Variants in JMJD1C observed in about 807,000 individuals in gnomAD.
The protein encoded by JMJD1C is jumonji domain-containing protein 1C.
Under a neutral mutation model 245.3 loss-of-function variants are expected in JMJD1C, and 31 were observed. That is an observed-to-expected ratio of 0.13 (90% CI 0.09 to 0.17). The LOEUF (loss-of-function observed/expected upper bound fraction) is 0.17. Among genes scored for constraint, JMJD1C ranks in the 10% least tolerant of loss-of-function variants. The pLI is 1.00. For synonymous variants in JMJD1C, 1,057 were observed against 1,017.4 expected (o/e 1.04, Z -0.74); for missense variants, 2,691 against 3,000.2 (o/e 0.90, Z 2.41).
intron 2 of JMJD1C, among the ~76,000 whole-genome samples, chr10:63,309,208 A>G (rs908075147): frequency 3.3e-5 from 5 of 152,132 alleles, no homozygotes; most frequent in Non-Finnish European, 5.9e-5. Flanking sequence ...TAAGGAATAA[A>G]GTCGCTGGGC....
intron 1 of JMJD1C, among the ~76,000 whole-genome samples, chr10:63,464,712 G>C (rs1953067187): frequency 6.8e-6 from 1 of 147,930 alleles, no homozygotes; most frequent in Admixed American, 6.7e-5. Flanking sequence ...AAAAAAAAAA[G>C]ATAATCAATT....
chr10:63,213,649 G>C lies in JMJD1C; in HGVS notation c.2518C>G (p.Gln840Glu). Reference protein sequence around the residue: ...HQQQQQLLQHQSPHLLGQAHP... With the variant: ...HQQQQQLLQHESPHLLGQAHP... ...GCTTGTCCAAGAAGATGAGGTGACTGGTGCTGTAACAACTGTTGTTGTTGC... is the reference window on the plus strand; with the variant it reads ...GCTTGTCCAAGAAGATGAGGTGACTCGTGCTGTAACAACTGTTGTTGTTGC... The change falls in exon 8 of 26, where the codon CAG (glutamine) becomes GAG (glutamate). Residue 840 changes from glutamine (Q) to glutamate (E), a missense_variant. Physicochemically the swap from Gln to Glu is conservative, Grantham distance 29. This residue lies in a region of JMJD1C where 1,562 missense variants were observed against 1,490.7 expected (regional missense o/e 1.05). Transcript: ENST00000399262. 6.2e-7 allele frequency: 1 copy of C among 1,614,192 alleles called. No homozygotes were observed. The highest frequency in any genetic ancestry group is 1.1e-5 in the South Asian group (1 of 91,092).
chr10:63,424,408 A>G (rs1267786804), intron 1 of JMJD1C, among the ~76,000 whole-genome samples: 1 of 152,056 alleles, frequency 6.6e-6, no homozygotes, highest in Non-Finnish European at 1.5e-5. Context: ...TTCTTCATAT[A>G]AAACTATTGT....
At chr10:63,180,970 GT>G (rs1382501102) in intron 22 of JMJD1C, among the ~76,000 whole-genome samples, 2 of 151,852 alleles carry the variant, frequency 1.3e-5, no homozygotes, top group Non-Finnish European at 2.9e-5. Context: ...GGGTTTCACC[GT>G]TTTAGCTGGG....
chr10:63,377,591 C>G (rs1018099739), intron 2 of JMJD1C, among the ~76,000 whole-genome samples: 1 of 151,944 alleles, frequency 6.6e-6, no homozygotes, highest in African/African-American at 2.4e-5. Context: ...GAAAATTAGC[C>G]GGGCATGATG....
At chr10:63,381,258 C>A (rs1400541562) in intron 1 of JMJD1C, among the ~76,000 whole-genome samples, 1 of 152,176 alleles carries the variant, frequency 6.6e-6, no homozygotes, top group African/African-American at 2.4e-5. Context: ...GTAATGCCAG[C>A]ACTTTGGGAG....
intron 2 of JMJD1C, among the ~76,000 whole-genome samples, chr10:63,327,521 G>A (rs1941657400): frequency 6.6e-6 from 1 of 152,160 alleles, no homozygotes; most frequent in Admixed American, 6.5e-5. Context: ...AACTAAGGAA[G>A]AAGCTCACAA....
intron 2 of JMJD1C, among the ~76,000 whole-genome samples, chr10:63,265,768 G>A (rs999021666): frequency 2.6e-5 from 4 of 152,114 alleles, no homozygotes; most frequent in African/African-American, 9.7e-5. Flanking sequence ...TATATCACAT[G>A]GAGAAATCTT....
chr10:63,266,176 AT>A (rs1160153511), intron 2 of JMJD1C, among the ~76,000 whole-genome samples: 1 of 152,032 alleles, frequency 6.6e-6, no homozygotes, highest in African/African-American at 2.4e-5. Context: ...ATTCTCACTT[AT>A]TTTCGATATT....
chr10:63,487,343 G>A (rs1338888809), intron 1 of JMJD1C, among the ~76,000 whole-genome samples: 1 of 152,226 alleles, frequency 6.6e-6, no homozygotes, highest in Non-Finnish European at 1.5e-5. Flanking sequence ...CTCAACACAG[G>A]AGGGCTGGGG....
Position 63,269,208 on chromosome 10 carries a change from C to A in JMJD1C, c.334-4444G>T, listed in dbSNP as rs140584517. 1.1e-4 allele frequency: 112 copies of A among 985,414 alleles called. No individual in the cohort carries two copies. In the African/African-American group the frequency reaches 1.9e-3, roughly 16 times the overall value. 61.0% of individuals were successfully genotyped at this position (985,414 alleles called of 1,614,324 possible). A position where few individuals can be genotyped will look rare whatever the true frequency, so the allele number is the denominator to read the frequency against. On this transcript the variant is annotated intron_variant, in intron 2 of 25. Coordinates refer to ENST00000399262, the MANE Select transcript of JMJD1C (RefSeq NM_032776.3). Reference sequence around the variant, plus strand: ...GCAGTAGCTTCCAACAGTGCAGACACCCAAATGAGAACGAGTACTTGGCTT... The same window carrying A: ...GCAGTAGCTTCCAACAGTGCAGACAACCAAATGAGAACGAGTACTTGGCTT...
rs749533964 is a variant in JMJD1C at position 63,191,130 on chromosome 10, ATTTTGTTTTG to A, written c.6077-32_6077-23del. The A allele has an allele frequency of 3.4e-5, 54 of 1,589,188 alleles. No homozygotes were observed. The Middle Eastern group carries it at 3.5e-3, about 103-fold the overall frequency. On this transcript the variant is annotated intron_variant, in intron 16 of 25. Transcript: ENST00000399262. ...TTTTCTGAAATAGAAAATTTCACAG[ATTTTGTTTTG>A]TTTTGTTTTGAGACGGAGTCTCATT...
At chr10:63,257,013 T>A (rs1854034378) in intron 3 of JMJD1C, among the ~76,000 whole-genome samples, 1 of 151,628 alleles carries the variant, frequency 6.6e-6, no homozygotes, top group African/African-American at 2.4e-5. Flanking sequence ...GGTGGGAGGA[T>A]TACTTGAGGT....
intron 1 of JMJD1C, among the ~76,000 whole-genome samples, chr10:63,386,281 A>G (rs967162875): frequency 6.6e-6 from 1 of 151,900 alleles, no homozygotes; most frequent in African/African-American, 2.4e-5. Context: ...GCCAGGGTCA[A>G]CACCCTAGCA....
intron 1 of JMJD1C, among the ~76,000 whole-genome samples, chr10:63,453,632 C>T (rs1039024492): frequency 6.6e-6 from 1 of 152,176 alleles, no homozygotes; most frequent in Non-Finnish European, 1.5e-5. Flanking sequence ...TTTTACTGAT[C>T]CTTTGCGTCT....
intron 3 of JMJD1C, among the ~76,000 whole-genome samples, chr10:63,251,773 G>A (rs893112392): frequency 6.6e-6 from 1 of 152,172 alleles, no homozygotes; most frequent in Non-Finnish European, 1.5e-5. Flanking sequence ...CTTCCACTTG[G>A]GTGGCTGAGG....
At position 63,397,309 on chromosome 10, in the gene JMJD1C, G is replaced by A. The variant is rs1050892000; in HGVS notation, c.169-16827C>T. On this transcript the variant is annotated intron_variant, in intron 1 of 25. Coordinates refer to ENST00000399262, the MANE Select transcript of JMJD1C (RefSeq NM_032776.3). ...GCTCACTACAACCTCCGCCTCCCAG[G>A]TTCAAGCAATTCTCCTGCCTCAGCC... 3.9e-5 allele frequency among the ~76,000 whole-genome samples: 6 copies of A among 152,174 alleles called. No individual in the cohort carries two copies. In the East Asian group the frequency reaches 1.2e-3, roughly 29 times the overall value.
intron 3 of JMJD1C, among the ~76,000 whole-genome samples, chr10:63,253,310 A>C (rs1318925744): frequency 1.3e-5 from 2 of 152,166 alleles, no homozygotes; most frequent in Non-Finnish European, 2.9e-5. Flanking sequence ...TGTGGAAAGG[A>C]CAACTTTTCA....
chr10:63,345,834 AT>A (rs201544517), intron 2 of JMJD1C, among the ~76,000 whole-genome samples: 44 of 151,750 alleles, frequency 2.9e-4, no homozygotes, highest in African/African-American at 9.9e-4. Context: ...AAAACCAGTA[AT>A]TTTTTTTTCC....
Sources: allele counts gnomAD v4.1 joint callset (sites outside exome capture counted in the v4.1 genomes callset), GRCh38; gene constraint gnomAD v4.1.1; regional missense constraint gnomAD v4.1.1; transcripts MANE v1.5; gene names NCBI Gene and HGNC (gene_info 2026-07-23, HGNC 2026-07-21).